Variants in CTBP2 observed in about 807,000 individuals in gnomAD.
CTBP2 encodes the protein C-terminal binding protein 2, also known as C-terminal-binding protein 2.
A neutral mutation model predicts 80.3 loss-of-function variants in CTBP2; 30 were observed. The observed-to-expected ratio is 0.37, with a 90% CI of 0.28 to 0.51. The LOEUF (loss-of-function observed/expected upper bound fraction) is 0.51. Ranked by LOEUF, CTBP2 falls within the 20% of genes least tolerant of loss-of-function variation. The probability of loss-of-function intolerance (pLI) is 0.93; values close to 1 mark genes in which losing one functional copy is unlikely to be tolerated. For missense variants in CTBP2, 1,212 were observed against 1,375.3 expected, an observed-to-expected ratio of 0.88 and a Z score of 1.88; for synonymous variants, 594 against 587.4, an observed-to-expected ratio of 1.01 and a Z score of -0.16.
intron 1 of CTBP2, among the ~76,000 whole-genome samples, chr10:125,143,228 C>A (rs201034288): frequency 6.6e-6 from 1 of 152,190 alleles, no homozygotes; most frequent in Non-Finnish European, 1.5e-5. Context: ...TGGCTCACAC[C>A]TGTAATCCCA....
intron 7 of CTBP2, among the ~76,000 whole-genome samples, 163 bp downstream of exon 9, chr10:124,993,039 T>G (rs1380442431): frequency 2.0e-5 from 3 of 152,218 alleles, no homozygotes; most frequent in Admixed American, 1.3e-4. Context: ...TCTGTGAAGT[T>G]TAGTTCAGGG....
At chr10:125,155,365 T>G (rs12254098) in intron 1 of CTBP2, among the ~76,000 whole-genome samples, 36,232 of 151,744 alleles carry the variant, frequency 0.24, 4,454 homozygotes, top group South Asian at 0.34. Context: ...CCTGGCTCTC[T>G]CCCTATTGTA....
At chr10:124,994,799 A>G in intron 4 of CTBP2, 116 bp from the exon 7 acceptor site, 1 of 1,040,224 alleles carries the variant, frequency 9.6e-7, no homozygotes, top group Non-Finnish European at 1.4e-6. Context: ...AGCTGCTGCC[A>G]GAGAAACCGT....
chr10:125,123,626 C>G (rs1854711132), intron 1 of CTBP2, among the ~76,000 whole-genome samples: 1 of 152,218 alleles, frequency 6.6e-6, no homozygotes, highest in African/African-American at 2.4e-5. Context: ...CCATGAGGAG[C>G]TGGCCCTGTT....
At chr10:125,082,255 C>T (rs751511639) in intron 2 of CTBP2, among the ~76,000 whole-genome samples, 1 of 152,232 alleles carries the variant, frequency 6.6e-6, no homozygotes, top group Non-Finnish European at 1.5e-5. Flanking sequence ...TCCTTACAGC[C>T]AGTGGACAGC....
intron 1 of CTBP2, among the ~76,000 whole-genome samples, chr10:125,124,001 T>C (rs1415553920): frequency 6.6e-6 from 1 of 152,230 alleles, no homozygotes; most frequent in Non-Finnish European, 1.5e-5. Context: ...TGACCCAGTC[T>C]GGCTAAATCG....
At chr10:125,048,160 C>T (rs1184195685) in intron 2 of CTBP2, among the ~76,000 whole-genome samples, 6 of 152,022 alleles carry the variant, frequency 3.9e-5, no homozygotes, top group Admixed American at 3.3e-4. Context: ...GAAACCCCCA[C>T]GTGGGCTGAC....
chr10:125,029,090 T>C (rs1957928822), upstream of CTBP2, among the ~76,000 whole-genome samples: 1 of 152,192 alleles, frequency 6.6e-6, no homozygotes, highest in African/African-American at 2.4e-5. Flanking sequence ...ACAAAGGCTG[T>C]ATACATTGAA....
intron 2 of CTBP2, among the ~76,000 whole-genome samples, chr10:125,110,511 T>C (rs1407374590): frequency 6.6e-6 from 1 of 152,192 alleles, no homozygotes; most frequent in Non-Finnish European, 1.5e-5. Context: ...TCCTAGAGGC[T>C]GGTAACACTA....
At chr10:125,094,366 G>A (rs564386028) in intron 2 of CTBP2, among the ~76,000 whole-genome samples, 11 of 152,282 alleles carry the variant, frequency 7.2e-5, no homozygotes, top group Admixed American at 2.0e-4. Flanking sequence ...ATGTGGCGAC[G>A]GCTCAGAGCA....
At chr10:124,991,387 C>T (rs758810145) in intron 8 of CTBP2, among the ~76,000 whole-genome samples, 2 of 152,156 alleles carry the variant, frequency 1.3e-5, no homozygotes, top group Non-Finnish European at 2.9e-5. Context: ...GGATAAATAA[C>T]AATGGAGACA....
At chr10:125,093,463 G>T (rs1411834439) in intron 2 of CTBP2, among the ~76,000 whole-genome samples, 1 of 152,136 alleles carries the variant, frequency 6.6e-6, no homozygotes, top group African/African-American at 2.4e-5. Context: ...AAGGCACAAT[G>T]GTTAAAATGA....
chr10:125,123,489 T>C (rs1338393633), intron 1 of CTBP2, among the ~76,000 whole-genome samples: 1 of 152,250 alleles, frequency 6.6e-6, no homozygotes, highest in Non-Finnish European at 1.5e-5. Context: ...AATCTGCAAT[T>C]ACTTCAAAAT....
Position 125,049,099 on chromosome 10 carries a change from C to T in CTBP2, c.-101-9944G>A, listed in dbSNP as rs556028878. Among the ~76,000 whole-genome samples, 3 of 108,674 alleles carry T rather than the reference C, an allele frequency of 2.8e-5. No homozygotes were observed. In the South Asian group the frequency reaches 9.4e-4, roughly 34 times the overall value. 71.3% of individuals were successfully genotyped at this position (108,674 alleles called of 152,430 possible). A position where few individuals can be genotyped will look rare whatever the true frequency, so the allele number is the denominator to read the frequency against. On this transcript the variant is annotated intron_variant, in intron 2 of 10. Coordinates refer to the CTBP2 transcript ENST00000337195. ...CACACACACACACACACACGTCCAC[C>T]TGACCACACACATACACACACAACA...
intron 2 of CTBP2, among the ~76,000 whole-genome samples, chr10:125,060,311 T>C (rs867062617): frequency 1.3e-5 from 2 of 152,236 alleles, no homozygotes; most frequent in Admixed American, 1.3e-4. Flanking sequence ...CAAATGATCA[T>C]AGCATACTAT....
intron 2 of CTBP2, among the ~76,000 whole-genome samples, chr10:125,043,897 A>G (rs1405766249): frequency 5.9e-5 from 9 of 152,202 alleles, no homozygotes; most frequent in Admixed American, 5.9e-4. Flanking sequence ...CTTTCAAGGA[A>G]ATCTATTTAA....
chr10:125,015,666 C>G (rs1191540791), intron 1 of CTBP2, among the ~76,000 whole-genome samples: 1 of 152,244 alleles, frequency 6.6e-6, no homozygotes. Flanking sequence ...AAGAAGGCGC[C>G]TCGCCCGCCC....
At chr10:125,041,572 T>C (rs1368466489) in intron 2 of CTBP2, among the ~76,000 whole-genome samples, 1 of 140,084 alleles carries the variant, frequency 7.1e-6, no homozygotes, top group African/African-American at 2.7e-5. Flanking sequence ...CCAGCAATTG[T>C]CATTTGCTCA....
intron 8 of CTBP2, 91 bp downstream of exon 10, chr10:124,992,604 G>A: frequency 1.3e-6 from 1 of 796,346 alleles, no homozygotes; most frequent in Non-Finnish European, 2.0e-6. Flanking sequence ...GCATCTGCGG[G>A]AGGTTAAGCT....
Sources: allele counts gnomAD v4.1 joint callset (sites outside exome capture counted in the v4.1 genomes callset), GRCh38; gene constraint gnomAD v4.1.1; transcripts MANE v1.5; gene names NCBI Gene and HGNC (gene_info 2026-07-23, HGNC 2026-07-21).